The following PTPRN2 variants were observed in gnomAD, a reference collection of about 807,000 sequenced individuals.
The protein encoded by PTPRN2 is protein tyrosine phosphatase receptor type N2, also known as receptor-type tyrosine-protein phosphatase N2.
PTPRN2 carries 74 observed loss-of-function variants against 118.8 expected under a neutral mutation model. The observed-to-expected ratio is 0.62, with a 90% CI of 0.52 to 0.76. PTPRN2 has a LOEUF of 0.76. PTPRN2 is among the 30% of genes least tolerant of loss of function. The probability of loss-of-function intolerance (pLI) is 0.00; values close to 1 mark genes in which losing one functional copy is unlikely to be tolerated. For synonymous variants in PTPRN2, 641 were observed against 608.0 expected (o/e 1.05, Z -0.80); for missense variants, 1,481 against 1,394.4 (o/e 1.06, Z -0.99).
At chr7:157,579,472 AAGCTCATGGAAGCCATT>A (rs1455034318) in intron 17 of PTPRN2, among the ~76,000 whole-genome samples, 2 of 152,220 alleles carry the variant, frequency 1.3e-5, no homozygotes, top group Non-Finnish European at 2.9e-5. Flanking sequence ...GAAGGTGGAG[AAGCTCATGGAAGCCATT>A]ACGAAAATGA....
intron 11 of PTPRN2, among the ~76,000 whole-genome samples, chr7:157,936,839 G>T (rs1799735381): frequency 3.9e-5 from 6 of 152,194 alleles, no homozygotes; most frequent in Admixed American, 3.9e-4. Flanking sequence ...TTCGCAGGGA[G>T]TGTATGAGGC....
Position 158,587,740 on chromosome 7 carries a change from C to T in PTPRN2, c.-71G>A. 9.1e-7 allele frequency: 1 copy of T among 1,098,808 alleles called. No homozygotes were observed. The highest frequency in any genetic ancestry group is 1.1e-6 in the Non-Finnish European group (1 of 904,934). 68.1% of individuals were successfully genotyped at this position (1,098,808 alleles called of 1,614,324 possible). A position where few individuals can be genotyped will look rare whatever the true frequency, so the allele number is the denominator to read the frequency against. On this transcript the variant is annotated 5_prime_UTR_variant, in exon 1 of 23. Transcript: ENST00000389418. Reference sequence around the variant, plus strand: ...GCGGCGGGAGGCGGCCGAGTCCGGGCCCAGGGAGGCGCGCGCCGCCGGCTC... The same window carrying T: ...GCGGCGGGAGGCGGCCGAGTCCGGGTCCAGGGAGGCGCGCGCCGCCGGCTC...
At position 157,617,418 on chromosome 7, in the gene PTPRN2, G is replaced by A. The variant is rs1375464547; in HGVS notation, c.2344+3944C>T. ...TGGCTCACGATGCCCCAGTGATGCC[G>A]TGGTTAGGACGCCGTTCACGCAGCT... On this transcript the variant is annotated intron_variant, in intron 15 of 22. Coordinates refer to ENST00000389418, the MANE Select transcript of PTPRN2 (RefSeq NM_002847.5). The surrounding 1 kb of genome is among the most constrained non-coding windows in gnomAD (Gnocchi z 7.5). 1.4e-5 allele frequency: 2 copies of A among 147,778 alleles called. No individual in the cohort carries two copies. The highest frequency in any genetic ancestry group is 3.0e-5 in the Non-Finnish European group (2 of 67,132). The allele number at this position is 147,778 out of a possible 1,614,324, so 9.2% of individuals were successfully genotyped here. A position where few individuals can be genotyped will look rare whatever the true frequency, so the allele number is the denominator to read the frequency against.
At position 157,604,147 on chromosome 7, in the gene PTPRN2, C is replaced by T; in HGVS notation, c.2345-72G>A. On this transcript the variant is annotated intron_variant, in intron 15 of 22. Transcript: ENST00000389418. ...CAGTGTGAGACCCCCACTTGGCCTCCAGGGCCCCCCACCCAGCAGCACAGG... is the reference window on the plus strand; with the variant it reads ...CAGTGTGAGACCCCCACTTGGCCTCTAGGGCCCCCCACCCAGCAGCACAGG... 5.7e-6 allele frequency: 8 copies of T among 1,391,780 alleles called. No homozygotes were observed. The East Asian group carries it at 1.6e-4, about 28-fold the overall frequency. 86.2% of individuals were successfully genotyped at this position (1,391,780 alleles called of 1,614,324 possible).
At chr7:157,556,386 CAACA>C (rs1295322867) in intron 21 of PTPRN2, among the ~76,000 whole-genome samples, 6 of 150,714 alleles carry the variant, frequency 4.0e-5, no homozygotes, top group African/African-American at 1.5e-4. Flanking sequence ...ACACACCACA[CAACA>C]CTCACCCACA....
At chr7:157,740,658 G>C (rs534044181) in intron 12 of PTPRN2, among the ~76,000 whole-genome samples, 1 of 152,302 alleles carries the variant, frequency 6.6e-6, no homozygotes, top group African/African-American at 2.4e-5. Context: ...AGGAGTGGCG[G>C]GAGCTTCTCA....
At chr7:158,123,023 C>A (rs1289134206) in intron 9 of PTPRN2, among the ~76,000 whole-genome samples, 1 of 152,164 alleles carries the variant, frequency 6.6e-6, no homozygotes, top group Admixed American at 6.5e-5. Flanking sequence ...CCAGCCCGAT[C>A]TGGGACATTT....
At chr7:158,504,392 C>A (rs989692836) in intron 1 of PTPRN2, among the ~76,000 whole-genome samples, 10 of 152,182 alleles carry the variant, frequency 6.6e-5, no homozygotes, top group South Asian at 2.1e-4. Context: ...GTTCCCCCCC[C>A]ATGTGTCCAT....
chr7:157,678,459 G>T (rs1246802736), intron 13 of PTPRN2, among the ~76,000 whole-genome samples: 2 of 152,154 alleles, frequency 1.3e-5, no homozygotes, highest in African/African-American at 4.8e-5. Context: ...ATGAACCAAG[G>T]CGTGACCTGT....
chr7:158,359,892 T>G (rs1002246278), intron 2 of PTPRN2, among the ~76,000 whole-genome samples: 1 of 152,056 alleles, frequency 6.6e-6, no homozygotes, highest in African/African-American at 2.4e-5. Flanking sequence ...CCCTCCTTGG[T>G]GCCCAAGACC....
rs1163684582 is a variant in PTPRN2, at chr7:158,587,545, G to GC, written c.112+12dup. 1.6e-6 allele frequency: 2 copies of GC among 1,244,986 alleles called. No individual in the cohort carries two copies. Among genetic ancestry groups the GC allele is most frequent in the Admixed American group, 3.9e-5 (1 of 25,428 alleles). The allele number at this position is 1,244,986 out of a possible 1,614,324, so 77.1% of individuals were successfully genotyped here. ...TTCATTGAGGCGCCCCTCCCCCGGC[G>GC]CCCCCCACTCACCCAGACGCCCCGG... On this transcript the variant is annotated intron_variant, in intron 1 of 22. Coordinates refer to ENST00000389418, the MANE Select transcript of PTPRN2 (RefSeq NM_002847.5).
chr7:157,795,167 C>CGG (rs11354541), intron 12 of PTPRN2, among the ~76,000 whole-genome samples: 2 of 90,786 alleles, frequency 2.2e-5, no homozygotes, highest in East Asian at 3.0e-4. Context: ...GGGTCGGGGG[C>CGG]GGGGGGGGCT....
intron 2 of PTPRN2, among the ~76,000 whole-genome samples, chr7:158,459,034 C>T (rs1288054835): frequency 2.0e-5 from 3 of 152,158 alleles, no homozygotes; most frequent in African/African-American, 4.8e-5. Context: ...GACAGGGTGC[C>T]GCGGCCATCA....
intron 21 of PTPRN2, among the ~76,000 whole-genome samples, chr7:157,549,908 C>T (rs1443416978): frequency 5.3e-5 from 8 of 152,146 alleles, no homozygotes; most frequent in East Asian, 1.9e-4. Flanking sequence ...TCACCTCTAC[C>T]GAACACGGTG....
chr7:158,185,155 G>A (rs959747916), intron 5 of PTPRN2, among the ~76,000 whole-genome samples: 27 of 152,150 alleles, frequency 1.8e-4, no homozygotes, highest in Non-Finnish European at 4.0e-4. Context: ...AAATTGTTTA[G>A]AATTTTTGTT....
intron 12 of PTPRN2, among the ~76,000 whole-genome samples, chr7:157,897,581 T>C (rs1352739407): frequency 6.6e-6 from 1 of 152,102 alleles, no homozygotes; most frequent in African/African-American, 2.4e-5. Context: ...CGCCGGCTGC[T>C]CTCCTCTCCC....
intron 14 of PTPRN2, among the ~76,000 whole-genome samples, chr7:157,623,007 AGGAAGCCTCGT>A (rs1803360865): frequency 6.6e-6 from 1 of 152,224 alleles, no homozygotes; most frequent in African/African-American, 2.4e-5. Context: ...CCCGACACCC[AGGAAGCCTCGT>A]GGTTTCCTTG....
At chr7:158,440,880 G>A (rs955543070) in intron 2 of PTPRN2, among the ~76,000 whole-genome samples, 3 of 127,860 alleles carry the variant, frequency 2.3e-5, no homozygotes, top group East Asian at 2.7e-4. Context: ...TATTGGTGGT[G>A]GTGGTGAAGG....
At chr7:157,740,739 G>A (rs567466008) in intron 12 of PTPRN2, among the ~76,000 whole-genome samples, 40 of 152,246 alleles carry the variant, frequency 2.6e-4, no homozygotes, top group African/African-American at 7.9e-4. Flanking sequence ...ATCCCATCCC[G>A]ATGGGCACTG....
Sources: allele counts gnomAD v4.1 joint callset (sites outside exome capture counted in the v4.1 genomes callset), GRCh38; gene constraint gnomAD v4.1.1; non-coding constraint Gnocchi (gnomAD v3.1); transcripts MANE v1.5; gene names NCBI Gene and HGNC (gene_info 2026-07-23, HGNC 2026-07-21).